TPCN2: variants seen among roughly 807,000 people sequenced by gnomAD.
TPCN2 encodes the protein two pore channel protein 2.
In TPCN2, 92 loss-of-function variants were observed where a neutral mutation model predicts 111.4. That is an observed-to-expected ratio of 0.83 (90% CI 0.70 to 0.98). TPCN2 has a LOEUF of 0.98. TPCN2 is among the 50% of genes least tolerant of loss of function. The pLI, the probability that TPCN2 is intolerant of heterozygous loss-of-function variation, is 0.00. For missense variants in TPCN2, 995 were observed against 980.1 expected (o/e 1.02, Z -0.20); for synonymous variants, 405 against 414.5 (o/e 0.98, Z 0.28).
intron 16 of TPCN2, chr11:69,079,312 C>T (rs934932922): frequency 2.0e-5 from 9 of 446,138 alleles, no homozygotes; most frequent in African/African-American, 1.4e-4. Flanking sequence ...CCAGCGACTC[C>T]AGCCCGGGGA....
chr11:69,077,489 G>A (rs929799813), intron 13 of TPCN2, among the ~76,000 whole-genome samples: 1 of 152,220 alleles, frequency 6.6e-6, no homozygotes. Flanking sequence ...AGTGCGTATC[G>A]AGGAGGATGT....
In TPCN2 at chr11:69,088,126, C is replaced by T. The variant is rs1856353417; in HGVS notation, c.*173C>T. 5 of 605,992 alleles carry T rather than the reference C, an allele frequency of 8.3e-6. No homozygotes were observed. The highest frequency in any genetic ancestry group is 3.1e-5 in the Admixed American group (1 of 32,766). The allele number at this position is 605,992 out of a possible 1,614,324, so 37.5% of individuals were successfully genotyped here. A position where few individuals can be genotyped will look rare whatever the true frequency, so the allele number is the denominator to read the frequency against. On this transcript the variant is annotated 3_prime_UTR_variant, in exon 25 of 25. Transcript: ENST00000294309. ...AGTCCTTTGCGTGTGGCCCAACAAC[C>T]ATCTACAGAACAGCTGCTGGTGCTT...
rs556687434 is a variant in TPCN2, at chr11:69,086,381, T to C, written c.2004-142T>C. On this transcript the variant is annotated intron_variant, in intron 22 of 24. Coordinates refer to ENST00000294309, the MANE Select transcript of TPCN2 (RefSeq NM_139075.4). ...GGCCTCAGTTGGGTTGTTTCTGAGA[T>C]GGAAATAGTAACGCGCTCTGCATCA... 723 of 719,804 alleles carry C rather than the reference T, an allele frequency of 1.0e-3. 5 individuals are homozygous for C. In the African/African-American group the frequency reaches 0.012, roughly 11 times the overall value. 44.6% of individuals were successfully genotyped at this position (719,804 alleles called of 1,614,324 possible).
At chr11:69,080,518 G>T (rs1220344598) in intron 17 of TPCN2, among the ~76,000 whole-genome samples, 3 of 152,222 alleles carry the variant, frequency 2.0e-5, no homozygotes, top group Non-Finnish European at 4.4e-5. Flanking sequence ...CGTGGCTCTG[G>T]TGTGCCCGTG....
intron 21 of TPCN2, 44 bp from the exon 22 acceptor site, chr11:69,085,804 C>T (rs1856247847): frequency 1.2e-6 from 2 of 1,613,002 alleles, no homozygotes; most frequent in Non-Finnish European, 8.5e-7. Flanking sequence ...CCTCCCCTCC[C>T]TACCTCCTGG....
chr11:69,078,569 C>G lies in TPCN2; in HGVS notation c.1318C>G (p.Leu440Val), dbSNP rs1165569947. Residue 440 changes from leucine to valine, a missense_variant, in exon 14 of 25, where the codon CTC becomes GTC. Leu to Val is a conservative substitution (Grantham distance 32). Coordinates refer to ENST00000294309, the MANE Select transcript of TPCN2 (RefSeq NM_139075.4). ...GHYYFDYLGN[L>V]IALANLVSIC... ...CTACTACTTTGACTACCTGGGGAAC[C>G]TCATCGCCCTGGCAAACCTGGTGTC... The G allele has an allele frequency of 5.6e-6, 9 of 1,614,088 alleles. No individual in the cohort carries two copies. Among genetic ancestry groups the G allele is most frequent in the Non-Finnish European group, 7.6e-6 (9 of 1,180,034 alleles).
intron 4 of TPCN2, 55 bp downstream of exon 4, chr11:69,055,407 G>T (rs772693267): frequency 1.4e-4 from 215 of 1,488,636 alleles, no homozygotes; most frequent in Non-Finnish European, 1.8e-4. Context: ...GCGCCTGGCC[G>T]CTGCTCTCCT....
rs968922758 is a variant in TPCN2, at chr11:69,083,846, C to A, written c.1690-99C>A. 4.5e-6 allele frequency: 5 copies of A among 1,110,382 alleles called. No individual in the cohort carries two copies. The Admixed American group carries it at 9.2e-5, about 20-fold the overall frequency. The allele number at this position is 1,110,382 out of a possible 1,614,324, so 68.8% of individuals were successfully genotyped here. ...GTGGGTTGGTGGTCATTGGCCTGCC[C>A]CATCTTGCCTTTCTGTCAGGGTCAG... is the stretch of plus-strand genomic sequence containing the variant. On this transcript the variant is annotated intron_variant, in intron 18 of 24. Coordinates refer to ENST00000294309, the MANE Select transcript of TPCN2 (RefSeq NM_139075.4).
At chr11:69,059,021 C>G (rs540451951) in intron 5 of TPCN2, among the ~76,000 whole-genome samples, 6 of 152,248 alleles carry the variant, frequency 3.9e-5, no homozygotes, top group Non-Finnish European at 7.3e-5. Context: ...TGGTTTTATA[C>G]CTGGCCGTGG....
At chr11:69,052,030 G>A (rs184026255) in intron 1 of TPCN2, among the ~76,000 whole-genome samples, 264 of 152,288 alleles carry the variant, frequency 1.7e-3, no homozygotes, top group African/African-American at 5.8e-3. Context: ...AGGGTGAAAC[G>A]GAGGATGGCC....
intron 1 of TPCN2, among the ~76,000 whole-genome samples, chr11:69,050,657 C>G (rs868094051): frequency 6.6e-6 from 1 of 152,232 alleles, no homozygotes; most frequent in Admixed American, 6.5e-5. Context: ...GGATTACAGG[C>G]GTGAGCCACT....
At chr11:69,049,662 C>T (rs1590697072) in intron 1 of TPCN2, among the ~76,000 whole-genome samples, 1 of 152,128 alleles carries the variant, frequency 6.6e-6, no homozygotes, top group Admixed American at 6.5e-5. Context: ...CCCCGTCCCA[C>T]TTCCCGTGGG....
Position 69,071,294 on chromosome 11 carries a change from CCTT to C in TPCN2, c.896-61_896-59del, listed in dbSNP as rs2134586922. ...CGCTGTGCTATCCTGTGCCGGCCAC[CCTT>C]GCGTTGGTTTTGCTGCTGTACTGGT... On this transcript the variant is annotated intron_variant, in intron 9 of 24. Coordinates refer to ENST00000294309, the MANE Select transcript of TPCN2 (RefSeq NM_139075.4). The C allele has an allele frequency of 2.2e-6, 3 of 1,388,580 alleles. No individual in the cohort carries two copies. The Admixed American group carries it at 5.3e-5, about 25-fold the overall frequency. 86.0% of individuals were successfully genotyped at this position (1,388,580 alleles called of 1,614,324 possible).
chr11:69,065,023 ATGTC>A (rs1360904107), intron 7 of TPCN2, among the ~76,000 whole-genome samples: 3 of 142,036 alleles, frequency 2.1e-5, no homozygotes, highest in East Asian at 2.1e-4. Context: ...TGGTGTCTGT[ATGTC>A]TGTGTGTGCG....
At chr11:69,063,047 G>C (rs1590716984) in intron 6 of TPCN2, 57 bp downstream of exon 6, 1 of 1,511,156 alleles carries the variant, frequency 6.6e-7, no homozygotes, top group East Asian at 2.3e-5. Context: ...TCTGCCCCGG[G>C]CCACGTGGTT....
chr11:69,065,522 C>T (rs1157141749), intron 7 of TPCN2, among the ~76,000 whole-genome samples: 1 of 152,182 alleles, frequency 6.6e-6, no homozygotes, highest in East Asian at 1.9e-4. Context: ...AGTCTGGATC[C>T]CTGTCCGAGG....
chr11:69,086,226 C>T (rs1176976388), intron 22 of TPCN2, among the ~76,000 whole-genome samples: 1 of 152,194 alleles, frequency 6.6e-6, no homozygotes, highest in Non-Finnish European at 1.5e-5. Context: ...CCCGGGAAGG[C>T]TGAGTGAACG....
At position 69,090,328 on chromosome 11, in the gene TPCN2, A is replaced by G. The variant is rs1319876139; in HGVS notation, c.*2375A>G. 6.6e-6 allele frequency: 1 copy of G among 151,914 alleles called. No homozygotes were observed. The highest frequency in any genetic ancestry group is 1.5e-5 in the Non-Finnish European group (1 of 67,996). The allele number at this position is 151,914 out of a possible 1,614,324, so 9.4% of individuals were successfully genotyped here. ...GAATGGTTCTCATTCTCCTTAATCT[A>G]TTATTGGGTCAGTTTTCCTGCATGT... On this transcript the variant is annotated 3_prime_UTR_variant, in exon 25 of 25. Transcript: ENST00000294309.
intron 8 of TPCN2, among the ~76,000 whole-genome samples, chr11:69,069,265 G>T (rs1251340087): frequency 4.7e-3 from 418 of 89,578 alleles, no homozygotes; most frequent in African/African-American, 0.018. Context: ...TGAGTCCTAG[G>T]AAGTGACCGC....
Sources: gnomAD v4.1 joint callset for allele counts (sites outside exome capture counted in the v4.1 genomes callset) on GRCh38, gnomAD v4.1.1 for gene constraint, MANE v1.5 for transcripts, NCBI Gene and HGNC (gene_info 2026-07-23, HGNC 2026-07-21) for gene names.